The following ERC2 variants were observed in gnomAD, a reference collection of about 807,000 sequenced individuals.
The protein encoded by ERC2 is ELKS/RAB6-interacting/CAST family member 2, also known as ERC protein 2.
ERC2 carries 42 observed loss-of-function variants against 114.8 expected under a neutral mutation model. The ratio of observed to expected loss-of-function variants is 0.37; its 90% confidence interval spans 0.29 to 0.47. ERC2 has a LOEUF of 0.47. ERC2 is among the 20% of genes least tolerant of loss of function. ERC2 has a pLI of 0.99. For synonymous variants in ERC2, 454 were observed against 425.5 expected (o/e 1.07, Z -0.82); for missense variants, 939 against 1,150.7 (o/e 0.82, Z 2.66).
chr3:56,161,023 C>T (rs922116669), intron 4 of ERC2, among the ~76,000 whole-genome samples: 8 of 152,070 alleles, frequency 5.3e-5, no homozygotes, highest in East Asian at 1.9e-4. Flanking sequence ...GCCTGGTGGG[C>T]GGTAATTGGA....
At chr3:55,727,547 A>C (rs2064997161) in intron 15 of ERC2, among the ~76,000 whole-genome samples, 1 of 152,204 alleles carries the variant, frequency 6.6e-6, no homozygotes, top group African/African-American at 2.4e-5. Flanking sequence ...CCCAAATGTC[A>C]ACACCTGAAG....
At chr3:55,629,341 G>A (rs997202851) in intron 17 of ERC2, among the ~76,000 whole-genome samples, 2 of 152,152 alleles carry the variant, frequency 1.3e-5, no homozygotes. Context: ...GCCTGGGGTT[G>A]GGAGGAAGCC....
intron 6 of ERC2, among the ~76,000 whole-genome samples, chr3:56,135,963 T>C (rs989916218): frequency 2.0e-5 from 3 of 152,184 alleles, no homozygotes; most frequent in African/African-American, 7.2e-5. Flanking sequence ...TTAGAGTCCT[T>C]TGAAGCTATT....
At chr3:55,634,938 G>A (rs957314907) in intron 17 of ERC2, among the ~76,000 whole-genome samples, 1 of 151,716 alleles carries the variant, frequency 6.6e-6, no homozygotes, top group East Asian at 1.9e-4. Context: ...CTGGAGTATG[G>A]TGGCACGATC....
At chr3:56,034,144 T>C (rs1350667825) in intron 7 of ERC2, among the ~76,000 whole-genome samples, 1 of 152,142 alleles carries the variant, frequency 6.6e-6, no homozygotes, top group African/African-American at 2.4e-5. Context: ...AGATATTCTA[T>C]GCAAATTGTA....
intron 2 of ERC2, among the ~76,000 whole-genome samples, chr3:56,357,764 C>G (rs2058799441): frequency 6.7e-6 from 1 of 148,658 alleles, no homozygotes; most frequent in South Asian, 2.2e-4. Flanking sequence ...GCCATTACAT[C>G]CACTGGAATG....
chr3:56,163,204 T>C (rs369159623), intron 4 of ERC2, among the ~76,000 whole-genome samples: 3 of 152,148 alleles, frequency 2.0e-5, no homozygotes, highest in East Asian at 1.9e-4. Flanking sequence ...TTGATTTCTA[T>C]TTTTATTCCA....
intron 2 of ERC2, among the ~76,000 whole-genome samples, chr3:56,429,842 C>T (rs1191001518): frequency 6.6e-6 from 1 of 152,072 alleles, no homozygotes; most frequent in Non-Finnish European, 1.5e-5. Flanking sequence ...TCCAAATAGT[C>T]CTGCACTCCC....
At chr3:56,172,481 T>TA (rs1265206076) in intron 4 of ERC2, among the ~76,000 whole-genome samples, 4 of 152,218 alleles carry the variant, frequency 2.6e-5, no homozygotes, top group Non-Finnish European at 5.9e-5. Flanking sequence ...TGGGGGCAGA[T>TA]AATTCAAAAT....
At chr3:55,539,910 A>C (rs922989158) in intron 17 of ERC2, among the ~76,000 whole-genome samples, 10 of 149,064 alleles carry the variant, frequency 6.7e-5, no homozygotes, top group African/African-American at 2.4e-4. Flanking sequence ...ATACTAATTT[A>C]ATATATCCTG....
At chr3:55,901,127 T>C (rs1410751192) in intron 13 of ERC2, among the ~76,000 whole-genome samples, 2 of 152,228 alleles carry the variant, frequency 1.3e-5, no homozygotes, top group Non-Finnish European at 2.9e-5. Context: ...AATGCGTGGA[T>C]GAACATAAAT....
chr3:55,798,370 G>A (rs149531129), intron 14 of ERC2, among the ~76,000 whole-genome samples: 3 of 151,996 alleles, frequency 2.0e-5, no homozygotes, highest in Admixed American at 6.6e-5. Flanking sequence ...AGGCCGAGGC[G>A]GGCAGATCAC....
intron 13 of ERC2, among the ~76,000 whole-genome samples, chr3:55,933,510 C>T (rs2066249875): frequency 6.6e-6 from 1 of 152,220 alleles, no homozygotes; most frequent in South Asian, 2.1e-4. Flanking sequence ...TATTTCATGG[C>T]TAAAATTTGT....
At chr3:55,803,673 T>C (rs1030411170) in intron 14 of ERC2, among the ~76,000 whole-genome samples, 4 of 152,186 alleles carry the variant, frequency 2.6e-5, no homozygotes, top group Non-Finnish European at 5.9e-5. Context: ...AATTTATAAA[T>C]ATTTATGTAT....
intron 3 of ERC2, among the ~76,000 whole-genome samples, chr3:56,197,913 T>C (rs2048197726): frequency 6.6e-6 from 1 of 152,230 alleles, no homozygotes; most frequent in African/African-American, 2.4e-5. Flanking sequence ...CTTCAAGTAT[T>C]AGGAGTCAGA....
At chr3:55,916,295 T>A (rs903189458) in intron 13 of ERC2, among the ~76,000 whole-genome samples, 2 of 152,154 alleles carry the variant, frequency 1.3e-5, no homozygotes, top group African/African-American at 4.8e-5. Context: ...TTGGAAAGAT[T>A]TACTCTTGGG....
At chr3:56,217,388 C>T (rs28888991) in intron 3 of ERC2, among the ~76,000 whole-genome samples, 4,467 of 152,270 alleles carry the variant, frequency 0.029, 70 homozygotes, top group Middle Eastern at 0.058. Context: ...CTCCCATTCA[C>T]AATTGCTCCA....
intron 14 of ERC2, among the ~76,000 whole-genome samples, chr3:55,869,034 A>C (rs925590340): frequency 1.3e-5 from 2 of 152,298 alleles, no homozygotes; most frequent in East Asian, 3.9e-4. Flanking sequence ...TAAACATATA[A>C]ATTATTCCTA....
chr3:55,867,667 C>T (rs974939888), intron 14 of ERC2, among the ~76,000 whole-genome samples: 7 of 152,092 alleles, frequency 4.6e-5, no homozygotes, highest in African/African-American at 1.4e-4. Flanking sequence ...TGAGTAAACT[C>T]GTTCTTCTTT....
Sources: gnomAD v4.1 joint callset for allele counts (sites outside exome capture counted in the v4.1 genomes callset) on GRCh38, gnomAD v4.1.1 for gene constraint, MANE v1.5 for transcripts, NCBI Gene and HGNC (gene_info 2026-07-23, HGNC 2026-07-21) for gene names.